The following BTBD9 variants were observed in gnomAD, a reference collection of about 807,000 sequenced individuals.
BTBD9 encodes BTB/POZ domain-containing protein 9.
In BTBD9, 49 loss-of-function variants were observed where a neutral mutation model predicts 64.3. The observed-to-expected ratio is 0.76, with a 90% CI of 0.61 to 0.97. The LOEUF (loss-of-function observed/expected upper bound fraction) is 0.97, where lower values mean the gene tolerates loss of function less well. Among genes scored for constraint, BTBD9 ranks in the 50% least tolerant of loss-of-function variants. The probability of loss-of-function intolerance (pLI) is 0.00; values close to 1 mark genes in which losing one functional copy is unlikely to be tolerated. For missense variants in BTBD9, 598 were observed against 762.1 expected, an observed-to-expected ratio of 0.78 and a Z score of 2.53; for synonymous variants, 260 against 274.7, an observed-to-expected ratio of 0.95 and a Z score of 0.53.
intron 9 of BTBD9, among the ~76,000 whole-genome samples, chr6:38,227,490 AGTTACTGTCCCTATCCCTTCC>A (rs1763438055): frequency 6.6e-6 from 1 of 152,218 alleles, no homozygotes; most frequent in Non-Finnish European, 1.5e-5. Flanking sequence ...CAAACATGTC[AGTTACTGTCCCTATCCCTTCC>A]GCCTGATGAG....
At chr6:38,205,208 A>G (rs1211705379) in intron 9 of BTBD9, among the ~76,000 whole-genome samples, 2 of 152,240 alleles carry the variant, frequency 1.3e-5, no homozygotes. Context: ...TATGAAGGAC[A>G]TAAGATTCCA....
chr6:38,308,233 C>G (rs1475368673), intron 7 of BTBD9, among the ~76,000 whole-genome samples: 1 of 152,226 alleles, frequency 6.6e-6, no homozygotes. Flanking sequence ...AAATTGAGGA[C>G]AGAGGCATTT....
intron 6 of BTBD9, among the ~76,000 whole-genome samples, chr6:38,378,735 G>T (rs964656653): frequency 6.6e-6 from 1 of 151,428 alleles, no homozygotes; most frequent in Admixed American, 6.6e-5. Context: ...TTAGCTGGGC[G>T]TGGTGGTGGG....
intron 4 of BTBD9, among the ~76,000 whole-genome samples, chr6:38,584,709 C>T (rs115950707): frequency 0.022 from 3,373 of 152,270 alleles, 59 homozygotes; most frequent in Middle Eastern, 0.037. Flanking sequence ...TACTCCCCAT[C>T]CCAACTTCCC....
At chr6:38,564,174 T>C (rs1463787200) in intron 6 of BTBD9, among the ~76,000 whole-genome samples, 2 of 152,198 alleles carry the variant, frequency 1.3e-5, no homozygotes, top group Non-Finnish European at 2.9e-5. Context: ...GTATTCGTGT[T>C]ATACCTTTAC....
intron 6 of BTBD9, among the ~76,000 whole-genome samples, chr6:38,382,516 CAAA>C (rs35186359): frequency 1.7e-5 from 1 of 60,256 alleles, no homozygotes; most frequent in Non-Finnish European, 3.4e-5. Context: ...GACCTTGTCT[CAAA>C]AAAAAAAAAA....
chr6:38,394,458 C>T (rs1191676399), intron 6 of BTBD9, among the ~76,000 whole-genome samples: 1 of 152,096 alleles, frequency 6.6e-6, no homozygotes, highest in Non-Finnish European at 1.5e-5. Flanking sequence ...CAATATGTAG[C>T]AATATCCAGA....
intron 9 of BTBD9, among the ~76,000 whole-genome samples, chr6:38,226,676 A>G (rs1185088524): frequency 1.3e-5 from 2 of 152,160 alleles, no homozygotes; most frequent in African/African-American, 2.4e-5. Flanking sequence ...AAATGCTCAA[A>G]CCTGAGATTT....
chr6:38,359,371 C>T (rs1033931285), intron 6 of BTBD9, among the ~76,000 whole-genome samples: 4 of 152,148 alleles, frequency 2.6e-5, no homozygotes, highest in Non-Finnish European at 5.9e-5. Flanking sequence ...GTCTAACAGA[C>T]GAGAGCATGA....
At chr6:38,416,965 C>T (rs988812621) in intron 6 of BTBD9, among the ~76,000 whole-genome samples, 1 of 152,168 alleles carries the variant, frequency 6.6e-6, no homozygotes, top group African/African-American at 2.4e-5. Context: ...GAGACCGAGT[C>T]TTGCCCTGTT....
intron 7 of BTBD9, among the ~76,000 whole-genome samples, chr6:38,321,225 G>A (rs1157159587): frequency 6.6e-6 from 1 of 152,206 alleles, no homozygotes; most frequent in Non-Finnish European, 1.5e-5. Flanking sequence ...ATCACAGACA[G>A]AAATAGGCTT....
At chr6:38,503,936 T>C (rs1160588932) in intron 6 of BTBD9, among the ~76,000 whole-genome samples, 1 of 152,198 alleles carries the variant, frequency 6.6e-6, no homozygotes, top group African/African-American at 2.4e-5. Flanking sequence ...TCCCATCCTT[T>C]CTATTCATTT....
intron 7 of BTBD9, among the ~76,000 whole-genome samples, chr6:38,310,421 G>GAAA (rs58824579): frequency 7.1e-6 from 1 of 140,780 alleles, no homozygotes; most frequent in Non-Finnish European, 1.6e-5. Context: ...GTAGTTATCA[G>GAAA]AAAAAAAAAA....
At chr6:38,402,819 G>A in intron 6 of BTBD9, 2 of 700,938 alleles carry the variant, frequency 2.9e-6, no homozygotes, top group African/African-American at 3.5e-5. Flanking sequence ...TATAATACCT[G>A]CACTTTGGAA....
intron 6 of BTBD9, among the ~76,000 whole-genome samples, chr6:38,505,579 G>A (rs1490757176): frequency 3.3e-5 from 5 of 151,308 alleles, no homozygotes; most frequent in Non-Finnish European, 5.9e-5. Flanking sequence ...AGCCGAGATC[G>A]CACCACTGCA....
intron 7 of BTBD9, among the ~76,000 whole-genome samples, chr6:38,293,647 C>T (rs1762047134): frequency 6.6e-6 from 1 of 152,178 alleles, no homozygotes; most frequent in Admixed American, 6.5e-5. Flanking sequence ...CCCTTCCTTA[C>T]ACTTTATACA....
chr6:38,503,378 G>A (rs1256493052), intron 6 of BTBD9, among the ~76,000 whole-genome samples: 1 of 151,664 alleles, frequency 6.6e-6, no homozygotes, highest in Non-Finnish European at 1.5e-5. Context: ...CCATCTACCT[G>A]TTCTCCCTTC....
intron 9 of BTBD9, among the ~76,000 whole-genome samples, chr6:38,224,422 G>C (rs752501467): frequency 9.2e-5 from 14 of 152,202 alleles, no homozygotes; most frequent in Non-Finnish European, 1.6e-4. Flanking sequence ...ATTATGATGA[G>C]AAAGGAAAGG....
At chr6:38,507,232 T>G (rs943075486) in intron 6 of BTBD9, among the ~76,000 whole-genome samples, 7 of 152,234 alleles carry the variant, frequency 4.6e-5, no homozygotes, top group African/African-American at 1.7e-4. Flanking sequence ...ATTCTTTTAT[T>G]GGGTAGCTAC....
Sources: allele counts gnomAD v4.1 joint callset (sites outside exome capture counted in the v4.1 genomes callset), GRCh38; gene constraint gnomAD v4.1.1; transcripts MANE v1.5; gene names NCBI Gene and HGNC (gene_info 2026-07-23, HGNC 2026-07-21).